The following DEPDC4 variants were observed in gnomAD, a reference collection of about 807,000 sequenced individuals.
DEPDC4 encodes the protein DEP domain containing 4.
Under a neutral mutation model 52.0 loss-of-function variants are expected in DEPDC4, and 52 were observed. That is an observed-to-expected ratio of 1.00 (90% CI 0.80 to 1.26). The LOEUF (loss-of-function observed/expected upper bound fraction) is 1.26. Among genes scored for constraint, DEPDC4 ranks in the 50% most tolerant of loss-of-function variants. DEPDC4 has a pLI of 0.00. For missense variants in DEPDC4, 530 were observed against 546.9 expected (o/e 0.97, Z 0.31); for synonymous variants, 201 against 196.8 (o/e 1.02, Z -0.18).
the DEPDC4 span, among the ~76,000 whole-genome samples, chr12:100,278,182 C>CT: frequency 5.3e-5 from 8 of 151,866 alleles, no homozygotes; most frequent in Admixed American, 1.3e-4. Flanking sequence ...GGTTTAAAAA[C>CT]TTTAAGTTTT....
At chr12:100,248,210 T>C (rs1173812397) in intron 8 of DEPDC4, among the ~76,000 whole-genome samples, 1 of 152,146 alleles carries the variant, frequency 6.6e-6, no homozygotes, top group Non-Finnish European at 1.5e-5. Context: ...ATCCTATTAA[T>C]AGCATAAATA....
chr12:100,243,732 T>C (rs1052491365), intron 8 of DEPDC4, among the ~76,000 whole-genome samples: 1 of 152,042 alleles, frequency 6.6e-6, no homozygotes, highest in Non-Finnish European at 1.5e-5. Context: ...CTGCTCTGGT[T>C]ATTGCCCAGT....
chr12:100,278,478 T>C, the DEPDC4 span, among the ~76,000 whole-genome samples: 1 of 152,154 alleles, frequency 6.6e-6, no homozygotes, highest in Admixed American at 6.5e-5. Flanking sequence ...GATTATCTGT[T>C]GTTTTTCTGA....
In DEPDC4 at chr12:100,250,131, T is replaced by C. The variant is rs377673040; in HGVS notation, c.1375-1153A>G. ...AACCAACTATCAGGGCCCTTCTCCC[T>C]GCTTCCTGATTTCCATATCCCCACT... is the stretch of plus-strand genomic sequence containing the variant. On this transcript the variant is annotated intron_variant, in intron 7 of 9. Coordinates refer to ENST00000550587, the MANE Select transcript of DEPDC4 (RefSeq NM_001364818.2). Among the ~76,000 whole-genome samples, 10 of 152,296 alleles carry C rather than the reference T, an allele frequency of 6.6e-5. No individual in the cohort carries two copies. In the South Asian group the frequency reaches 1.5e-3, roughly 22 times the overall value.
chr12:100,235,636 A>T (rs1237406345), downstream of DEPDC4, among the ~76,000 whole-genome samples: 3 of 151,142 alleles, frequency 2.0e-5, no homozygotes, highest in Non-Finnish European at 4.4e-5. Context: ...GTGCAGTGGC[A>T]TGATCCCGGC....
chr12:100,279,663 C>CT, the DEPDC4 span, among the ~76,000 whole-genome samples: 12 of 152,280 alleles, frequency 7.9e-5, no homozygotes, highest in African/African-American at 2.6e-4. Flanking sequence ...AGCTTTTACT[C>CT]TAAGGGTGGC....
intron 1 of DEPDC4, 134 bp downstream of exon 1, chr12:100,266,786 G>C: frequency 8.1e-7 from 1 of 1,229,486 alleles, no homozygotes; most frequent in East Asian, 2.4e-5. Context: ...CCAGTGCCTG[G>C]TAGGGCAGGA....
upstream of DEPDC4, among the ~76,000 whole-genome samples, chr12:100,269,780 A>T (rs568168771): frequency 6.6e-6 from 1 of 152,262 alleles, no homozygotes; most frequent in South Asian, 2.1e-4. Context: ...TGTTCATCAG[A>T]ATCACTTACG....
At chr12:100,232,806 C>G (rs2096136537) in intron 9 of DEPDC4, among the ~76,000 whole-genome samples, 2 of 152,144 alleles carry the variant, frequency 1.3e-5, no homozygotes. Context: ...TCGCTTGAAC[C>G]TGGGAGGCAG....
downstream of DEPDC4, among the ~76,000 whole-genome samples, chr12:100,235,065 G>GTA (rs34143490): frequency 0.86 from 128,646 of 149,590 alleles, 55,540 homozygotes; most frequent in East Asian, 0.94. Context: ...GTATGTGTGT[G>GTA]TATATATATA....
chr12:100,239,525 C>T (rs565157534), downstream of DEPDC4, among the ~76,000 whole-genome samples: 113 of 152,170 alleles, frequency 7.4e-4, no homozygotes, highest in African/African-American at 2.5e-3. Context: ...ACAGGGTACA[C>T]CACACTCTGC....
At chr12:100,267,167 C>A, upstream of DEPDC4, 3 of 1,426,178 alleles carry the variant, frequency 2.1e-6, no homozygotes, top group South Asian at 1.3e-5. Flanking sequence ...CCCCGGCCGG[C>A]AGGTCTTTTA....
chr12:100,276,392 G>A, the DEPDC4 span, among the ~76,000 whole-genome samples: 1 of 152,140 alleles, frequency 6.6e-6, no homozygotes, highest in Non-Finnish European at 1.5e-5. Flanking sequence ...GAGGAGAGTG[G>A]CACAATCATG....
chr12:100,233,501 TTGTTAA>T (rs1230896919), intron 9 of DEPDC4, among the ~76,000 whole-genome samples: 1 of 152,228 alleles, frequency 6.6e-6, no homozygotes, highest in African/African-American at 2.4e-5. Context: ...CATTACTACG[TTGTTAA>T]TGTCATGTTT....
chr12:100,264,674 G>A (rs2096265439), intron 1 of DEPDC4, among the ~76,000 whole-genome samples: 1 of 150,536 alleles, frequency 6.6e-6, no homozygotes, highest in East Asian at 2.0e-4. Context: ...GCAAGACTCT[G>A]TCTCAAAAAA....
Position 100,252,378 on chromosome 12 carries a change from T to C in DEPDC4, c.1248+16A>G, listed in dbSNP as rs2096211681. 6.5e-7 allele frequency: 1 copy of C among 1,534,302 alleles called. No homozygotes were observed. Among genetic ancestry groups the C allele is most frequent in the Non-Finnish European group, 8.7e-7 (1 of 1,147,452 alleles). On this transcript the variant is annotated intron_variant, in intron 6 of 9. Transcript: ENST00000550587. The stretch of plus-strand genomic sequence containing the variant: ...TAGCAAAAAAAAATGGCAAAACTTA[T>C]TGCAAAATTTTTCACCTGTTTTTGC...
In DEPDC4 at chr12:100,252,485, A is replaced by C. The variant is rs1264435866; in HGVS notation, c.1157T>G (p.Leu386Trp). The C allele has an allele frequency of 1.2e-6, 2 of 1,609,562 alleles. No homozygotes were observed. Among genetic ancestry groups the C allele is most frequent in the Non-Finnish European group, 1.7e-6 (2 of 1,179,854 alleles). The part of the protein sequence containing the change: ...ALEATQLYLR[L>W]LLLNIREELR... ...TTCTTCTCTAATGTTCAGCAACAGC[A>C]ATCTTAGATATAGTTGTGTTGCTTC... is the stretch of plus-strand genomic sequence containing the variant. The change falls in exon 6 of 10, where the codon TTG becomes TGG. Residue 386 changes from leucine to tryptophan, a missense_variant. Coordinates refer to ENST00000550587, the MANE Select transcript of DEPDC4 (RefSeq NM_001364818.2).
At chr12:100,249,899 C>T (rs1373811813) in intron 7 of DEPDC4, among the ~76,000 whole-genome samples, 1 of 152,098 alleles carries the variant, frequency 6.6e-6, no homozygotes, top group Non-Finnish European at 1.5e-5. Context: ...AAAAAATAGG[C>T]AAATACATAA....
chr12:100,232,280 C>T (rs1278153104), intron 9 of DEPDC4, among the ~76,000 whole-genome samples: 2 of 151,802 alleles, frequency 1.3e-5, no homozygotes, highest in Admixed American at 1.3e-4. Context: ...ACTGTAATCC[C>T]AGCTACTAGG....
Sources: gnomAD v4.1 joint callset for allele counts (sites outside exome capture counted in the v4.1 genomes callset) on GRCh38, gnomAD v4.1.1 for gene constraint, MANE v1.5 for transcripts, NCBI Gene and HGNC (gene_info 2026-07-23, HGNC 2026-07-21) for gene names.